Variants in NBAS observed in about 807,000 individuals in gnomAD.
NBAS encodes the protein NBAS subunit of NRZ tethering complex.
Under a neutral mutation model 302.5 loss-of-function variants are expected in NBAS, and 219 were observed. The ratio of observed to expected loss-of-function variants is 0.72; its 90% confidence interval spans 0.65 to 0.81. NBAS has a LOEUF of 0.81. Ranked by LOEUF, NBAS falls within the 30% of genes least tolerant of loss-of-function variation. The probability of loss-of-function intolerance (pLI) is 0.00; values close to 1 mark genes in which losing one functional copy is unlikely to be tolerated. For missense variants in NBAS, 2,932 were observed against 2,841.6 expected, an observed-to-expected ratio of 1.03 and a Z score of -0.72; for synonymous variants, 1,118 against 1,021.6, an observed-to-expected ratio of 1.09 and a Z score of -1.80.
At chr2:15,257,674 C>T (rs1299678861) in intron 44 of NBAS, among the ~76,000 whole-genome samples, 1 of 152,006 alleles carries the variant, frequency 6.6e-6, no homozygotes, top group Non-Finnish European at 1.5e-5. Context: ...ATTACAGGCC[C>T]AATGCTGTGC....
At chr2:15,203,890 T>C (rs13020377) in intron 48 of NBAS, among the ~76,000 whole-genome samples, 1 of 129,536 alleles carries the variant, frequency 7.7e-6, no homozygotes, top group South Asian at 2.6e-4. Context: ...GTGTGTGTGC[T>C]TGTGTGTGTG....
At chr2:15,500,328 G>C in intron 11 of NBAS, among the ~76,000 whole-genome samples, 1 of 151,888 alleles carries the variant, frequency 6.6e-6, no homozygotes, top group Non-Finnish European at 1.5e-5. Flanking sequence ...AAATTTATAA[G>C]TGCTGCTCTT....
intron 21 of NBAS, among the ~76,000 whole-genome samples, chr2:15,439,359 T>G (rs2148508806): frequency 6.7e-6 from 1 of 150,352 alleles, no homozygotes; most frequent in African/African-American, 2.4e-5. Context: ...AAAATTAGCC[T>G]TAGACAAAAG....
At chr2:15,032,023 C>G in the NBAS span, among the ~76,000 whole-genome samples, 8 of 152,336 alleles carry the variant, frequency 5.3e-5, no homozygotes, top group South Asian at 1.2e-3. Context: ...GCTAGCGCCA[C>G]AGTGCAGATC....
intron 19 of NBAS, among the ~76,000 whole-genome samples, chr2:15,466,820 C>T (rs1679743777): frequency 6.6e-6 from 1 of 152,002 alleles, no homozygotes; most frequent in South Asian, 2.1e-4. Flanking sequence ...GCCTGTAGTT[C>T]CAGCTACTCA....
the NBAS span, among the ~76,000 whole-genome samples, chr2:15,034,044 A>AGGG: frequency 1.1e-5 from 1 of 90,996 alleles, no homozygotes; most frequent in African/African-American, 4.9e-5. Flanking sequence ...AGGAAGGAGG[A>AGGG]GGAGGAGGAG....
At chr2:14,920,530 T>C in the NBAS span, among the ~76,000 whole-genome samples, 1 of 152,186 alleles carries the variant, frequency 6.6e-6, no homozygotes. Context: ...AGGAAAGTCT[T>C]AGATAGTATC....
At chr2:15,208,199 C>A (rs1003835800) in intron 48 of NBAS, among the ~76,000 whole-genome samples, 1 of 152,036 alleles carries the variant, frequency 6.6e-6, no homozygotes, top group African/African-American at 2.4e-5. Flanking sequence ...TAGTGGAAGG[C>A]AAAAGGCATG....
At chr2:15,408,262 A>G (rs1676516600) in intron 25 of NBAS, among the ~76,000 whole-genome samples, 1 of 152,218 alleles carries the variant, frequency 6.6e-6, no homozygotes, top group Admixed American at 6.5e-5. Context: ...GACTATTCAA[A>G]GTCTGGTTAA....
the NBAS span, among the ~76,000 whole-genome samples, chr2:15,093,485 AT>A: frequency 1.3e-5 from 2 of 152,238 alleles, no homozygotes; most frequent in Non-Finnish European, 2.9e-5. Flanking sequence ...TTCAACATAT[AT>A]TTTATGTGAT....
At chr2:15,056,989 C>T in the NBAS span, among the ~76,000 whole-genome samples, 2 of 151,950 alleles carry the variant, frequency 1.3e-5, no homozygotes, top group South Asian at 2.1e-4. Context: ...CCACCACGCC[C>T]GGCTAATTTT....
the NBAS span, among the ~76,000 whole-genome samples, chr2:15,144,036 CCT>C: frequency 3.1e-4 from 25 of 80,022 alleles, 1 homozygote; most frequent in South Asian, 5.3e-3. Flanking sequence ...TATATATTAT[CCT>C]ATATATAAAA....
chr2:14,785,711 A>T, the NBAS span, among the ~76,000 whole-genome samples: 2 of 152,150 alleles, frequency 1.3e-5, no homozygotes, highest in Non-Finnish European at 2.9e-5. Context: ...GTACTGCCGG[A>T]TTCAGTTTGC....
intron 41 of NBAS, among the ~76,000 whole-genome samples, chr2:15,287,744 C>T (rs1272782538): frequency 3.3e-5 from 5 of 151,512 alleles, no homozygotes; most frequent in Non-Finnish European, 5.9e-5. Flanking sequence ...TAGGCATCCC[C>T]GCATAAACAT....
chr2:15,155,052 C>A, the NBAS span, among the ~76,000 whole-genome samples: 1 of 152,122 alleles, frequency 6.6e-6, no homozygotes, highest in Non-Finnish European at 1.5e-5. Flanking sequence ...AGCTCTGTCA[C>A]GTAACTAGCT....
At chr2:15,194,708 A>G (rs886806294) in intron 48 of NBAS, among the ~76,000 whole-genome samples, 1 of 152,176 alleles carries the variant, frequency 6.6e-6, no homozygotes, top group Non-Finnish European at 1.5e-5. Flanking sequence ...AAAAGTTGTA[A>G]ACCATATGAC....
In NBAS at chr2:15,359,533, A is replaced by G. The variant is rs13400430; in HGVS notation, c.3818-3117T>C. Among the ~76,000 whole-genome samples the G allele has an allele frequency of 8.5e-4, 130 of 152,272 alleles. 1 individual carries two copies. Among genetic ancestry groups the G allele is most frequent in the Admixed American group, 3.8e-3 (58 of 15,298 alleles). On this transcript the variant is annotated intron_variant, in intron 32 of 51. Transcript: ENST00000281513. ...AAATTCAGCTCATGTTAAAAGATCT[A>G]AAATTATTTTCCCAAAAGTTTTAGA...
chr2:14,904,031 C>CA, the NBAS span, among the ~76,000 whole-genome samples: 8 of 152,348 alleles, frequency 5.3e-5, no homozygotes, highest in South Asian at 8.3e-4. Context: ...TCTGGACACT[C>CA]AGAGAAACGG....
At chr2:15,155,371 C>T in the NBAS span, among the ~76,000 whole-genome samples, 1 of 152,016 alleles carries the variant, frequency 6.6e-6, no homozygotes, top group Non-Finnish European at 1.5e-5. Flanking sequence ...AGTGGAGACT[C>T]ATTTATTGGA....
Sources: allele counts gnomAD v4.1 joint callset (sites outside exome capture counted in the v4.1 genomes callset), GRCh38; gene constraint gnomAD v4.1.1; transcripts MANE v1.5; gene names NCBI Gene and HGNC (gene_info 2026-07-23, HGNC 2026-07-21).